The following ITGA8 variants were observed in gnomAD, a reference collection of about 807,000 sequenced individuals.
ITGA8 encodes the protein integrin subunit alpha 8.
In ITGA8, 91 loss-of-function variants were observed where a neutral mutation model predicts 142.3. The ratio of observed to expected loss-of-function variants is 0.64; its 90% CI spans 0.54 to 0.76. The LOEUF (loss-of-function observed/expected upper bound fraction) is 0.76, where lower values mean the gene tolerates loss of function less well. Ranked by LOEUF, ITGA8 falls within the 30% of genes least tolerant of loss-of-function variation. The pLI, the probability that ITGA8 is intolerant of heterozygous loss-of-function variation, is 0.00. For missense variants in ITGA8, 1,406 were observed against 1,327.7 expected, an observed-to-expected ratio of 1.06 and a Z score of -0.92; for synonymous variants, 505 against 485.2, an observed-to-expected ratio of 1.04 and a Z score of -0.54.
At chr10:15,661,613 A>G (rs1009126706) in intron 8 of ITGA8, among the ~76,000 whole-genome samples, 7 of 152,122 alleles carry the variant, frequency 4.6e-5, no homozygotes, top group Non-Finnish European at 5.9e-5. Flanking sequence ...GTGATTTATA[A>G]ATTAGACTTC....
intron 2 of ITGA8, among the ~76,000 whole-genome samples, chr10:15,709,682 CTG>C (rs1835328534): frequency 6.6e-6 from 1 of 152,260 alleles, no homozygotes; most frequent in African/African-American, 2.4e-5. Flanking sequence ...TATAAATAGA[CTG>C]TGAATTAACT....
chr10:15,532,327 G>A (rs1052505111), intron 27 of ITGA8, among the ~76,000 whole-genome samples: 2 of 150,148 alleles, frequency 1.3e-5, no homozygotes, highest in African/African-American at 4.9e-5. Flanking sequence ...GCTGAGGCGG[G>A]AGAGTTGCTT....
intron 13 of ITGA8, among the ~76,000 whole-genome samples, chr10:15,636,797 G>A (rs1261054330): frequency 6.6e-6 from 1 of 152,062 alleles, no homozygotes; most frequent in Non-Finnish European, 1.5e-5. Context: ...ATGGCTAAGG[G>A]GCAGCGAGGG....
chr10:15,626,281 G>A (rs1321665731), intron 13 of ITGA8, among the ~76,000 whole-genome samples: 1 of 152,046 alleles, frequency 6.6e-6, no homozygotes, highest in Non-Finnish European at 1.5e-5. Context: ...TGCCCAGGCT[G>A]GAGTGCAATG....
chr10:15,655,322 A>G (rs1258508682), intron 11 of ITGA8, 32 bp downstream of exon 11: 1 of 1,336,772 alleles, frequency 7.5e-7, no homozygotes, highest in East Asian at 2.3e-5. Context: ...TGAATGTAAT[A>G]TATTGTATAT....
At position 15,550,878 on chromosome 10, in the gene ITGA8, G is replaced by A. The variant is rs2131560205; in HGVS notation, c.2767-2310C>T. Among the ~76,000 whole-genome samples, 3 of 152,190 alleles carry A rather than the reference G, an allele frequency of 2.0e-5. No individual in the cohort carries two copies. In the South Asian group the frequency reaches 6.2e-4, roughly 32 times the overall value. The stretch of plus-strand genomic sequence containing the variant: ...AGGGAAGATTGGGGGGCAGGAGGGT[G>A]ATAGGGGCCCGTTGCAAGAGCCCCT... On this transcript the variant is annotated intron_variant, in intron 26 of 29. Transcript: ENST00000378076.
rs185565383 is a variant in ITGA8 at position 15,644,068 on chromosome 10, A to G, written c.1361T>C (p.Leu454Ser). Residue 454 changes from leucine (L) to serine (S), a missense_variant, in exon 13 of 30, where the codon TTA becomes TCA. Transcript: ENST00000378076. ...HAVPSGFGFT[L>S]RGDSDIDKND... ...CTTGTCTATGTCTGAATCTCCTCTT[A>G]AAGTAAAGCCAAATCCGGAAGGGAC... is the stretch of plus-strand genomic sequence containing the variant. 17 of 1,613,968 alleles carry G rather than the reference A, an allele frequency of 1.1e-5. No homozygotes were observed. Among genetic ancestry groups the G allele is most frequent in the Non-Finnish European group, 1.4e-5 (17 of 1,179,952 alleles).
At chr10:15,680,216 C>CTTTT (rs71374638) in intron 4 of ITGA8, among the ~76,000 whole-genome samples, 9 of 54,276 alleles carry the variant, frequency 1.7e-4, no homozygotes, top group Admixed American at 6.3e-4. Context: ...CCAGATGCTC[C>CTTTT]TTTTTTTTTT....
intron 13 of ITGA8, among the ~76,000 whole-genome samples, chr10:15,618,353 A>T (rs953767981): frequency 2.6e-5 from 4 of 152,208 alleles, no homozygotes; most frequent in Admixed American, 6.5e-5. Flanking sequence ...AAAACAAAAA[A>T]CAAAGGTGGA....
At chr10:15,566,688 G>A (rs1483843100) in intron 25 of ITGA8, among the ~76,000 whole-genome samples, 1 of 151,796 alleles carries the variant, frequency 6.6e-6, no homozygotes, top group South Asian at 2.1e-4. Context: ...GTACATTCCT[G>A]TAGTCCCAGC....
chr10:15,628,828 T>C (rs1171467892), intron 13 of ITGA8, among the ~76,000 whole-genome samples: 1 of 151,960 alleles, frequency 6.6e-6, no homozygotes, highest in Non-Finnish European at 1.5e-5. Flanking sequence ...AAATATCTCA[T>C]GTACCCCATA....
chr10:15,537,558 A>G (rs1037914130), intron 27 of ITGA8, among the ~76,000 whole-genome samples: 1 of 152,192 alleles, frequency 6.6e-6, no homozygotes, highest in Non-Finnish European at 1.5e-5. Context: ...CTTCTTTAAC[A>G]GGGAAACGAA....
At position 15,530,231 on chromosome 10, in the gene ITGA8, T is replaced by C. The variant is rs556255096; in HGVS notation, c.2982+819A>G. ...GTGATAGATGTTTGGGTGTCAGTAA[T>C]GTTTAGTAGTTTCAGTTTTTAATAA... is the stretch of plus-strand genomic sequence containing the variant. On this transcript the variant is annotated intron_variant, in intron 28 of 29. Transcript: ENST00000378076. Among the ~76,000 whole-genome samples the C allele has an allele frequency of 6.6e-5, 10 of 152,176 alleles. 1 individual carries two copies. The highest frequency in any genetic ancestry group is 6.6e-5 in the Admixed American group (1 of 15,264).
At chr10:15,642,501 T>C (rs911444186) in intron 13 of ITGA8, among the ~76,000 whole-genome samples, 12 of 152,218 alleles carry the variant, frequency 7.9e-5, no homozygotes, top group Non-Finnish European at 1.5e-5. Flanking sequence ...TTAATCACCC[T>C]GACATTTTTG....
intron 13 of ITGA8, among the ~76,000 whole-genome samples, chr10:15,625,145 T>C (rs1329559327): frequency 1.3e-5 from 2 of 152,208 alleles, no homozygotes; most frequent in South Asian, 2.1e-4. Context: ...TCTGAAATGC[T>C]TCCAAATGAA....
At chr10:15,664,699 A>C (rs1215946490) in intron 8 of ITGA8, among the ~76,000 whole-genome samples, 1 of 120,798 alleles carries the variant, frequency 8.3e-6, no homozygotes, top group Non-Finnish European at 1.6e-5. Flanking sequence ...CCAGTGTGTG[A>C]TGCTCCCCTT....
At chr10:15,534,880 C>T (rs1163326439) in intron 27 of ITGA8, among the ~76,000 whole-genome samples, 4 of 152,186 alleles carry the variant, frequency 2.6e-5, no homozygotes, top group Non-Finnish European at 5.9e-5. Flanking sequence ...ACTTGAGGAG[C>T]CCTTCAGCCC....
Position 15,718,852 on chromosome 10 carries a change from T to C in ITGA8, c.257A>G (p.Asp86Gly). The C allele has an allele frequency of 6.2e-7, 1 of 1,613,994 alleles. No homozygotes were observed. The highest frequency in any genetic ancestry group is 2.2e-5 in the East Asian group (1 of 44,872). The change falls in exon 2 of 30, where the codon GAT (aspartate) becomes GGT (glycine). Residue 86 changes from aspartate to glycine, a missense_variant. Transcript: ENST00000378076. ...GAPKANTSQP[D>G]IVEGGAVYYC... ...ATAGACGGCTCCCCCTTCCACGATA[T>C]CGGGCTGGCTGGTGTTGGCTTTGGG...
chr10:15,705,549 C>G (rs931879124), intron 2 of ITGA8, among the ~76,000 whole-genome samples: 1 of 152,186 alleles, frequency 6.6e-6, no homozygotes, highest in East Asian at 1.9e-4. Context: ...GTCTCTCTCT[C>G]TTACAGTCAT....
Sources: allele counts gnomAD v4.1 joint callset (sites outside exome capture counted in the v4.1 genomes callset), GRCh38; gene constraint gnomAD v4.1.1; transcripts MANE v1.5; gene names NCBI Gene and HGNC (gene_info 2026-07-23, HGNC 2026-07-21).